Variants in PSTPIP1 observed in about 807,000 individuals in gnomAD.
PSTPIP1 encodes proline-serine-threonine phosphatase-interacting protein 1.
A neutral mutation model predicts 69.6 loss-of-function variants in PSTPIP1; 66 were observed. That is an observed-to-expected ratio of 0.95 (90% confidence interval 0.78 to 1.16). PSTPIP1 has a LOEUF of 1.16. Ranked by LOEUF, PSTPIP1 falls within the 50% of genes most tolerant of loss-of-function variation. PSTPIP1 has a pLI of 0.00. For missense variants in PSTPIP1, 603 were observed against 557.4 expected, an observed-to-expected ratio of 1.08 and a Z score of -0.82; for synonymous variants, 266 against 222.7, an observed-to-expected ratio of 1.19 and a Z score of -1.73.
intron 1 of PSTPIP1, among the ~76,000 whole-genome samples, chr15:77,014,542 C>T (rs575259407): frequency 1.3e-5 from 2 of 152,192 alleles, no homozygotes; most frequent in Non-Finnish European, 2.9e-5. Context: ...TAGCCTCCTG[C>T]CCCCACTTTC....
In PSTPIP1 at chr15:77,027,931, G is replaced by C; in HGVS notation, c.417+17G>C. The C allele has an allele frequency of 6.5e-7, 1 of 1,547,108 alleles. No individual in the cohort carries two copies. The highest frequency in any genetic ancestry group is 8.8e-7 in the Non-Finnish European group (1 of 1,142,620). On this transcript the variant is annotated intron_variant, in intron 6 of 14. Coordinates refer to ENST00000558012, the MANE Select transcript of PSTPIP1 (RefSeq NM_003978.5). This position sits in a 1 kb window ranked among gnomAD's most constrained non-coding sequence, Gnocchi z 4.3. ...GCCATGGAGGTGAGCGCCAGGGCCT[G>C]GGGCCGCGGCCTTCCCTCGAGGAGC...
chr15:77,029,560 C>A lies in PSTPIP1; in HGVS notation c.548C>A (p.Ser183Ter). Residue 183 changes from serine to a stop codon, truncating the protein, a stop_gained, in exon 8 of 15, where the codon TCG becomes TAG. Coordinates refer to ENST00000558012, the MANE Select transcript of PSTPIP1 (RefSeq NM_003978.5). LOFTEE classifies it high-confidence loss of function. ...SQNKARQCKD[S>*]ATEAERVYRQ... ...AACAAAGCCAGGCAGTGCAAGGACT[C>A]GGCCACCGAGGCAGGTATGTGGGCC... 2.5e-6 allele frequency: 4 copies of A among 1,583,078 alleles called. No homozygotes were observed. Among genetic ancestry groups the A allele is most frequent in the Non-Finnish European group, 3.4e-6 (4 of 1,165,576 alleles).
intron 3 of PSTPIP1, among the ~76,000 whole-genome samples, chr15:77,022,909 C>T (rs2076191337): frequency 6.6e-6 from 1 of 152,230 alleles, no homozygotes; most frequent in South Asian, 2.1e-4. Context: ...AGTATCTATG[C>T]AGTACCCAAG....
At chr15:77,028,512 A>G (rs1351203967) in intron 6 of PSTPIP1, 42 bp from the exon 7 acceptor site, 14 of 1,498,732 alleles carry the variant, frequency 9.3e-6, no homozygotes, top group Non-Finnish European at 1.3e-5. Flanking sequence ...ACCACAGAAC[A>G]GGGCTGTGCA....
intron 9 of PSTPIP1, among the ~76,000 whole-genome samples, 174 bp downstream of exon 9, chr15:77,030,755 G>T (rs2076395214): frequency 6.6e-6 from 1 of 152,222 alleles, no homozygotes; most frequent in African/African-American, 2.4e-5. Context: ...CCTGTTGCTT[G>T]TCGCCTGGCC....
chr15:77,018,863 G>A (rs1296954305), intron 3 of PSTPIP1, among the ~76,000 whole-genome samples: 1 of 152,204 alleles, frequency 6.6e-6, no homozygotes, highest in East Asian at 1.9e-4. Context: ...GGTGGCTCAA[G>A]TCCCCTGCAG....
At chr15:76,994,843 T>G (rs2075538729), upstream of PSTPIP1, 2 of 1,288,982 alleles carry the variant, frequency 1.6e-6, no homozygotes, top group African/African-American at 1.5e-5. Flanking sequence ...GACTTGCTAG[T>G]GCGGGGTGGG....
chr15:77,001,968 T>C (rs535827686), intron 1 of PSTPIP1, among the ~76,000 whole-genome samples: 1 of 152,352 alleles, frequency 6.6e-6, no homozygotes, highest in East Asian at 1.9e-4. Context: ...GTATTAATTA[T>C]TCAAAAATTA....
intron 10 of PSTPIP1, chr15:77,031,910 G>GC (rs1401308683): frequency 2.4e-5 from 5 of 210,706 alleles, no homozygotes; most frequent in Admixed American, 1.1e-4. Flanking sequence ...AGTGACTCGA[G>GC]CCCCCTGCTG....
In PSTPIP1 at chr15:76,995,702, G is replaced by A. The variant is rs753457528; in HGVS notation, c.36+93G>A. On this transcript the variant is annotated intron_variant, in intron 1 of 14. Coordinates refer to ENST00000558012, the MANE Select transcript of PSTPIP1 (RefSeq NM_003978.5). ...GGTGATGGGATGCGGCTCCGAGAGG[G>A]GAGCTTTCTCATAAAATAGTGGTTG... The A allele has an allele frequency of 1.4e-5, 22 of 1,598,498 alleles. 1 individual carries two copies. The South Asian group carries it at 2.4e-4, about 18-fold the overall frequency.
rs906671822 is a variant in PSTPIP1 at position 77,027,014 on chromosome 15, G to A, written c.355-838G>A. On this transcript the variant is annotated intron_variant, in intron 5 of 14. Transcript: ENST00000558012. The surrounding 1 kb of genome is among the most constrained non-coding windows in gnomAD (Gnocchi z 4.3). ...TGTGTGTATGTGCGTGTGCCACAGA[G>A]CAAGGACATGTGCTTACAGGATGGT... Among the ~76,000 whole-genome samples, 1 of 152,218 alleles carries A rather than the reference G, an allele frequency of 6.6e-6. No individual in the cohort carries two copies. Among genetic ancestry groups the A allele is most frequent in the Non-Finnish European group, 1.5e-5 (1 of 68,034 alleles).
Position 77,010,157 on chromosome 15 carries a change from G to A in PSTPIP1, c.37-7991G>A, listed in dbSNP as rs550715756. 5.3e-5 allele frequency among the ~76,000 whole-genome samples: 8 copies of A among 152,254 alleles called. No individual in the cohort carries two copies. In the South Asian group the frequency reaches 1.2e-3, roughly 24 times the overall value. On this transcript the variant is annotated intron_variant, in intron 1 of 14. Coordinates refer to ENST00000558012, the MANE Select transcript of PSTPIP1 (RefSeq NM_003978.5). ...GCCCTCACTGTCGGCCTCCTTCCTC[G>A]CCCACTGCTGGATCCTAGTGAGCCT...
chr15:77,035,885 C>T lies in PSTPIP1; in HGVS notation c.1069C>T (p.Pro357Ser). ...CGCAGTGCAGGAGATACAGGGAAAC[C>T]CGGCCTCACCAGCCCAGGAGTACCG... ...AIAVQEIQGN[P>S]ASPAQEYRAL... The change falls in exon 14 of 15, where the codon CCG becomes TCG. Residue 357 changes from proline (P) to serine (S), a missense_variant. Pro to Ser is a moderately conservative substitution (Grantham distance 74, BLOSUM62 -1). Transcript: ENST00000558012. 1 of 1,610,308 alleles carries T rather than the reference C, an allele frequency of 6.2e-7. No individual in the cohort carries two copies. Among genetic ancestry groups the T allele is most frequent in the South Asian group, 1.1e-5 (1 of 90,912 alleles).
At chr15:77,016,056 C>G (rs2076045611) in intron 1 of PSTPIP1, 2 of 456,118 alleles carry the variant, frequency 4.4e-6, no homozygotes, top group Non-Finnish European at 4.4e-6. Flanking sequence ...GAGAAGGGTT[C>G]CCTTGGCGTC....
At chr15:77,030,374 T>G (rs1228877809) in intron 8 of PSTPIP1, 128 bp from the exon 9 acceptor site, 2 of 940,396 alleles carry the variant, frequency 2.1e-6, no homozygotes, top group South Asian at 1.4e-5. Flanking sequence ...CCCCGCCATC[T>G]GCTAGGGCAG....
intron 10 of PSTPIP1, chr15:77,031,649 G>A (rs1019643263): frequency 9.7e-6 from 2 of 206,860 alleles, no homozygotes; most frequent in Non-Finnish European, 2.0e-5. Context: ...GGTGCTTGCA[G>A]GAGCCGAGGC....
At position 76,996,283 on chromosome 15, in the gene PSTPIP1, C is replaced by T. The variant is rs528351530; in HGVS notation, c.36+674C>T. On this transcript the variant is annotated intron_variant, in intron 1 of 14. Transcript: ENST00000558012. ...TCATTTCCCCCATGAAATAAGGGCG[C>T]CCAGCCAGTGGTAGAGGTAAAGTGG... Among the ~76,000 whole-genome samples, 262 of 152,246 alleles carry T rather than the reference C, an allele frequency of 1.7e-3. 1 individual carries two copies. Among genetic ancestry groups the T allele is most frequent in the Non-Finnish European group, 2.9e-3 (200 of 68,046 alleles).
At chr15:77,008,204 T>C in intron 1 of PSTPIP1, 1 of 372,596 alleles carries the variant, frequency 2.7e-6, no homozygotes, top group Non-Finnish European at 5.5e-6. Flanking sequence ...GGTGGGGTGT[T>C]TGGGGATATC....
In PSTPIP1 at chr15:76,995,515, C is replaced by T. The variant is rs1288058018; in HGVS notation, c.-59C>T. The T allele has an allele frequency of 6.2e-7, 1 of 1,612,888 alleles. No homozygotes were observed. Among genetic ancestry groups the T allele is most frequent in the African/African-American group, 1.3e-5 (1 of 74,932 alleles). ...CTGGGACGCTGCTGCTGGCGCCTGG[C>T]CCTCCATCAGGCCAGCCTGTGGCAG... On this transcript the variant is annotated 5_prime_UTR_variant, in exon 1 of 15. Transcript: ENST00000558012.
Sources: allele counts gnomAD v4.1 joint callset (sites outside exome capture counted in the v4.1 genomes callset), GRCh38; gene constraint gnomAD v4.1.1; non-coding constraint Gnocchi (gnomAD v3.1); transcripts MANE v1.5; gene names NCBI Gene and HGNC (gene_info 2026-07-23, HGNC 2026-07-21).